ANKRD35: variants seen among roughly 807,000 people sequenced by gnomAD.
ANKRD35 encodes the protein ankyrin repeat domain 35.
ANKRD35 carries 102 observed loss-of-function variants against 109.9 expected under a neutral mutation model. That is an observed-to-expected ratio of 0.93 (90% CI 0.79 to 1.09). The LOEUF (loss-of-function observed/expected upper bound fraction) is 1.09. ANKRD35 is among the 50% of genes least tolerant of loss of function. The pLI, the probability that ANKRD35 is intolerant of heterozygous loss-of-function variation, is 0.00. For missense variants in ANKRD35, 1,240 were observed against 1,230.1 expected (o/e 1.01, Z -0.12); for synonymous variants, 515 against 512.4 (o/e 1.01, Z -0.07).
Position 145,876,817 on chromosome 1 carries a change from T to A in ANKRD35, c.381A>T (p.Ala127=). Residue 127 remains alanine, a splice_region_variant and synonymous_variant, in exon 5 of 14, where the codon GCA becomes GCT. Coordinates refer to ENST00000355594, the MANE Select transcript of ANKRD35 (RefSeq NM_144698.5). The part of the protein sequence containing the change: ...DAENRSPLHW[A]ASSGCASSVL... ...TTCCCATGAGTCCCCTGCACACACC[T>A]GCCCAGTGCAATGGACTACGGTTTT... 6.2e-7 allele frequency: 1 copy of A among 1,614,090 alleles called. No individual in the cohort carries two copies.
At position 145,867,386 on chromosome 1, in the gene ANKRD35, T is replaced by C. The variant is rs1653645044; in HGVS notation, c.2950A>G (p.Met984Val). Residue 984 changes from methionine (M) to valine (V), a missense_variant, in exon 13 of 14, where the codon ATG becomes GTG. Met to Val is a conservative substitution (Grantham distance 21, BLOSUM62 1). Transcript: ENST00000355594. ...AGGATATTGTACACTTCATGTTCCA[T>C]GTAACCCTGTAGATGTCAGGAAAGG... ...NHLLNAARGY[M>V]EHEVYNILLQ... is the part of the protein sequence containing the mutation. 3.1e-6 allele frequency: 5 copies of C among 1,613,812 alleles called. No individual in the cohort carries two copies. The highest frequency in any genetic ancestry group is 3.3e-4 in the Middle Eastern group (2 of 6,060).
intron 1 of ANKRD35, among the ~76,000 whole-genome samples, chr1:145,882,158 G>A (rs1419728635): frequency 1.3e-5 from 2 of 151,598 alleles, no homozygotes; most frequent in Non-Finnish European, 2.9e-5. Flanking sequence ...GTTTCACCAT[G>A]TTAGCCAGGA....
rs1349549182 is a variant in ANKRD35, at chr1:145,872,642, G to A, written c.2127C>T (p.Pro709=). The change falls in exon 10 of 14, where the codon CCC becomes CCT. Residue 709 remains proline (P), a synonymous_variant. Coordinates refer to ENST00000355594, the MANE Select transcript of ANKRD35 (RefSeq NM_144698.5). ...SGLRGLWDCL[P]ADLVGERSAQ... ...CACTCCTCTCGCCCACTAGGTCTGC[G>A]GGCAGGCAGTCCCACAGCCCTCGGA... The A allele has an allele frequency of 1.2e-6, 2 of 1,613,902 alleles. No homozygotes were observed. Among genetic ancestry groups the A allele is most frequent in the Admixed American group, 1.7e-5 (1 of 59,990 alleles).
At chr1:145,885,649 C>G in intron 1 of ANKRD35, 71 bp downstream of exon 1, 6 of 1,521,268 alleles carry the variant, frequency 3.9e-6, no homozygotes, top group Middle Eastern at 1.7e-4. Flanking sequence ...TGCATTGAGA[C>G]GGGACTAAAG....
chr1:145,882,764 G>A (rs1654340372), intron 1 of ANKRD35, among the ~76,000 whole-genome samples: 2 of 152,130 alleles, frequency 1.3e-5, no homozygotes, highest in Admixed American at 1.3e-4. Flanking sequence ...CCAGTCTGTA[G>A]CTTACCCCAG....
chr1:145,880,640 A>T (rs1280107675), intron 1 of ANKRD35, among the ~76,000 whole-genome samples: 1 of 152,174 alleles, frequency 6.6e-6, no homozygotes, highest in African/African-American at 2.4e-5. Flanking sequence ...TATAAGGTAT[A>T]ATCTCAACAA....
At position 145,872,537 on chromosome 1, in the gene ANKRD35, C is replaced by G. The variant is rs1190825137; in HGVS notation, c.2232G>C (p.Gln744His). The G allele has an allele frequency of 6.2e-7, 1 of 1,607,016 alleles. No homozygotes were observed. Among genetic ancestry groups the G allele is most frequent in the African/African-American group, 1.3e-5 (1 of 74,806 alleles). Reference protein sequence around the residue: ...STLVDRHREAQQVLARLQEEN... With the variant: ...STLVDRHREAHQVLARLQEEN... The stretch of plus-strand genomic sequence containing the variant: ...CTTCTTGCAGCCGAGCCAGCACCTG[C>G]TGGGCCTCCCGGTGCCGATCCACCA... Residue 744 changes from glutamine (Q) to histidine (H), a missense_variant, in exon 10 of 14, where the codon CAG becomes CAC. Physicochemically the swap from Gln to His is conservative, Grantham distance 24 (BLOSUM62 0). Coordinates refer to ENST00000355594, the MANE Select transcript of ANKRD35 (RefSeq NM_144698.5).
At chr1:145,878,128 G>C in intron 3 of ANKRD35, 96 bp from the exon 4 acceptor site, 1 of 1,212,328 alleles carries the variant, frequency 8.2e-7, no homozygotes, top group Non-Finnish European at 1.2e-6. Context: ...ATAATCAGGA[G>C]ATTAGGGAGA....
At chr1:145,878,534 G>C in intron 2 of ANKRD35, 55 bp from the exon 3 acceptor site, 1 of 1,496,660 alleles carries the variant, frequency 6.7e-7, no homozygotes, top group Non-Finnish European at 9.1e-7. Context: ...GATGAGGAAT[G>C]GGAGAATCTT....
Position 145,872,424 on chromosome 1 carries a change from A to G in ANKRD35, c.2345T>C (p.Leu782Pro). 1 of 1,612,644 alleles carries G rather than the reference A, an allele frequency of 6.2e-7. No individual in the cohort carries two copies. Among genetic ancestry groups the G allele is most frequent in the East Asian group, 2.2e-5 (1 of 44,830 alleles). ...CTCCAGCTTCCCCAGGTCTTGCTCC[A>G]GAGCGGCCACTTGGGGGGATGCTGG... ...KAPASPQVAALEQDLGKLEEE... is the reference protein window; with the variant it reads ...KAPASPQVAAPEQDLGKLEEE... The change falls in exon 10 of 14, where the codon CTG becomes CCG. Residue 782 changes from leucine (L) to proline (P), a missense_variant. Physicochemically the swap from Leu to Pro is moderately conservative, Grantham distance 98. Transcript: ENST00000355594.
chr1:145,872,400 T>A lies in ANKRD35; in HGVS notation c.2369A>T (p.Glu790Val). Residue 790 changes from glutamate (E) to valine (V), a missense_variant, in exon 10 of 14, where the codon GAG becomes GTG. Transcript: ENST00000355594. ...GGCCTGAACTGCCCGCAGCTCTTCC[T>A]CCAGCTTCCCCAGGTCTTGCTCCAG... Reference protein sequence around the residue: ...AALEQDLGKLEEELRAVQATM... With the variant: ...AALEQDLGKLVEELRAVQATM... The A allele has an allele frequency of 6.2e-7, 1 of 1,613,148 alleles. No homozygotes were observed. The highest frequency in any genetic ancestry group is 8.5e-7 in the Non-Finnish European group (1 of 1,179,724).
In ANKRD35 at chr1:145,867,315, C is replaced by T. The variant is rs781898819; in HGVS notation, c.*15G>A. ...AGAGAATCTCGTATCCCTGAGGGCA[C>T]ACAGTGAGGCTGCCTCACTCCTCTT... On this transcript the variant is annotated 3_prime_UTR_variant, in exon 13 of 14. Transcript: ENST00000355594. 2 of 1,612,294 alleles carry T rather than the reference C, an allele frequency of 1.2e-6. No homozygotes were observed. The highest frequency in any genetic ancestry group is 2.2e-5 in the South Asian group (2 of 91,038).
At position 145,885,792 on chromosome 1, in the gene ANKRD35, G is replaced by A; in HGVS notation, c.-34C>T. On this transcript the variant is annotated 5_prime_UTR_variant, in exon 1 of 14. Transcript: ENST00000355594. ...TCGGGGCCACGGGGGATGGGGACGC[G>A]CAGAGAGCCGGGCCACAGGTTCCCG... is the stretch of plus-strand genomic sequence containing the variant. The A allele has an allele frequency of 6.5e-7, 1 of 1,534,726 alleles. No individual in the cohort carries two copies. Among genetic ancestry groups the A allele is most frequent in the Non-Finnish European group, 9.0e-7 (1 of 1,108,212 alleles).
chr1:145,878,514 A>G, intron 2 of ANKRD35, 35 bp from the exon 3 acceptor site: 2 of 1,537,930 alleles, frequency 1.3e-6, no homozygotes, highest in Middle Eastern at 3.4e-4. Flanking sequence ...CAAAGGATAA[A>G]GGGACCAGGG....
At position 145,872,997 on chromosome 1, in the gene ANKRD35, G is replaced by A. The variant is rs1470188262; in HGVS notation, c.1772C>T (p.Ala591Val). The change falls in exon 10 of 14, where the codon GCT (alanine) becomes GTT (valine). Residue 591 changes from alanine (A) to valine (V), a missense_variant. Physicochemically the swap from Ala to Val is moderately conservative, Grantham distance 64. Transcript: ENST00000355594. ...AAGGGCCCCTAGAGGCTCTCCTTGA[G>A]CCCCAGGAACCCTTTTCTCCTTCTC... is the stretch of plus-strand genomic sequence containing the variant. ...DEEKEKRVPG[A>V]QGEPLGALGG... The A allele has an allele frequency of 6.2e-7, 1 of 1,609,400 alleles. No homozygotes were observed. Among genetic ancestry groups the A allele is most frequent in the Non-Finnish European group, 8.5e-7 (1 of 1,178,136 alleles).
rs1050003760 is a variant in ANKRD35 at position 145,885,833 on chromosome 1, G to C, written c.-75C>G. On this transcript the variant is annotated 5_prime_UTR_variant, in exon 1 of 14. Coordinates refer to ENST00000355594, the MANE Select transcript of ANKRD35 (RefSeq NM_144698.5). ...CAGGTTCCCGAACCCACCGGACTTGGCTGCGGCTGTGCAAGAGACAGCTGT... is the reference window on the plus strand; with the variant it reads ...CAGGTTCCCGAACCCACCGGACTTGCCTGCGGCTGTGCAAGAGACAGCTGT... 4 of 1,186,378 alleles carry C rather than the reference G, an allele frequency of 3.4e-6. No homozygotes were observed. Among genetic ancestry groups the C allele is most frequent in the Non-Finnish European group, 5.0e-6 (4 of 796,810 alleles). 73.5% of individuals were successfully genotyped at this position (1,186,378 alleles called of 1,614,324 possible).
In ANKRD35 at chr1:145,885,827, G is replaced by A. The variant is rs947339760; in HGVS notation, c.-69C>T. The stretch of plus-strand genomic sequence containing the variant: ...GGGCCACAGGTTCCCGAACCCACCG[G>A]ACTTGGCTGCGGCTGTGCAAGAGAC... On this transcript the variant is annotated 5_prime_UTR_variant, in exon 1 of 14. Transcript: ENST00000355594. 6.4e-6 allele frequency: 8 copies of A among 1,252,472 alleles called. No individual in the cohort carries two copies. Among genetic ancestry groups the A allele is most frequent in the Non-Finnish European group, 5.8e-6 (5 of 855,200 alleles). The allele number at this position is 1,252,472 out of a possible 1,614,324, so 77.6% of individuals were successfully genotyped here.
intron 1 of ANKRD35, 44 bp downstream of exon 1, chr1:145,885,676 A>T: frequency 1.2e-6 from 2 of 1,603,012 alleles, no homozygotes; most frequent in Non-Finnish European, 1.7e-6. Context: ...GTCACCACAG[A>T]GCTGGGATCC....
At position 145,873,493 on chromosome 1, in the gene ANKRD35, C is replaced by T. The variant is rs782774259; in HGVS notation, c.1276G>A (p.Gly426Arg). The T allele has an allele frequency of 6.2e-7, 1 of 1,613,850 alleles. No homozygotes were observed. Among genetic ancestry groups the T allele is most frequent in the African/African-American group, 1.3e-5 (1 of 74,884 alleles). Residue 426 changes from glycine to arginine, a missense_variant, in exon 10 of 14, where the codon GGG becomes AGG. Transcript: ENST00000355594. ...TCAGACGCTGGGCTCTGGGGTGGCCCCTGTTCTTCTGGTTGGGACCTTCCA... is the reference window on the plus strand; with the variant it reads ...TCAGACGCTGGGCTCTGGGGTGGCCTCTGTTCTTCTGGTTGGGACCTTCCA... ...VHGRSQPEEQ[G>R]PPQSPASETI...
Sources: allele counts gnomAD v4.1 joint callset (sites outside exome capture counted in the v4.1 genomes callset), GRCh38; gene constraint gnomAD v4.1.1; transcripts MANE v1.5; gene names NCBI Gene and HGNC (gene_info 2026-07-23, HGNC 2026-07-21).